ABCB11: variants seen among roughly 807,000 people sequenced by gnomAD.
The protein encoded by ABCB11 is ATP binding cassette subfamily B member 11.
In ABCB11, 95 loss-of-function variants were observed where a neutral mutation model predicts 148.0. That is an observed-to-expected ratio of 0.64 (90% CI 0.54 to 0.76). ABCB11 has a LOEUF of 0.76. ABCB11 is among the 30% of genes least tolerant of loss of function. ABCB11 has a pLI of 0.00. For synonymous variants in ABCB11, 591 were observed against 555.4 expected (o/e 1.06, Z -0.90); for missense variants, 1,523 against 1,617.8 (o/e 0.94, Z 1.01).
chr2:168,955,890 C>A (rs1382410945), intron 19 of ABCB11, among the ~76,000 whole-genome samples: 1 of 151,622 alleles, frequency 6.6e-6, no homozygotes, highest in African/African-American at 2.4e-5. Flanking sequence ...TTGGCCAAAA[C>A]AAAGGTGCTC....
chr2:168,941,126 C>G (rs1447540766), intron 21 of ABCB11, among the ~76,000 whole-genome samples: 1 of 151,982 alleles, frequency 6.6e-6, no homozygotes, highest in Non-Finnish European at 1.5e-5. Context: ...GTAATTTTCA[C>G]TTTGAAGTCT....
intron 1 of ABCB11, among the ~76,000 whole-genome samples, chr2:169,030,704 C>G (rs980422918): frequency 4.3e-5 from 6 of 139,726 alleles, no homozygotes; most frequent in African/African-American, 1.6e-4. Flanking sequence ...AAACATGCAT[C>G]CACAGCTCAT....
intron 4 of ABCB11, among the ~76,000 whole-genome samples, 161 bp downstream of exon 4, chr2:169,014,142 T>C (rs1042711964): frequency 3.3e-5 from 5 of 152,204 alleles, no homozygotes; most frequent in East Asian, 1.9e-4. Flanking sequence ...ATATTTCTAA[T>C]AGTTATTCAG....
rs1023908905 is a variant in ABCB11, at chr2:169,019,079, T to G, written c.-27-927A>C. On this transcript the variant is annotated intron_variant, in intron 1 of 27. Coordinates refer to ENST00000650372, the MANE Select transcript of ABCB11 (RefSeq NM_003742.4). The stretch of plus-strand genomic sequence containing the variant: ...GCCAGAGGAGCTAATGTGGGCCCCA[T>G]GCACTGCTGAGAAGACCCTGAGGAA... 2.6e-5 allele frequency among the ~76,000 whole-genome samples: 4 copies of G among 152,068 alleles called. No individual in the cohort carries two copies. In the East Asian group the frequency reaches 7.7e-4, roughly 29 times the overall value.
intron 5 of ABCB11, among the ~76,000 whole-genome samples, chr2:169,012,738 TAA>T (rs78964015): frequency 1.6e-4 from 20 of 123,630 alleles, no homozygotes; most frequent in Admixed American, 4.9e-4. Flanking sequence ...GACTCCATCT[TAA>T]AAAAAAAAAA....
intron 1 of ABCB11, among the ~76,000 whole-genome samples, chr2:169,023,736 TAG>T (rs1695605521): frequency 6.6e-6 from 1 of 152,208 alleles, no homozygotes; most frequent in Admixed American, 6.5e-5. Flanking sequence ...AGATACGCAG[TAG>T]AAATATAAAG....
chr2:168,956,538 T>A (rs1039381588), intron 19 of ABCB11, among the ~76,000 whole-genome samples: 2 of 151,726 alleles, frequency 1.3e-5, no homozygotes, highest in African/African-American at 4.8e-5. Flanking sequence ...GTGATCTTTG[T>A]ATGATACTAC....
chr2:168,973,940 T>C (rs889251100), intron 12 of ABCB11, 100 bp from the exon 13 acceptor site: 3 of 1,362,980 alleles, frequency 2.2e-6, no homozygotes, highest in African/African-American at 1.5e-5. Context: ...ACTCGGTGTC[T>C]GTGTGTGCGT....
intron 21 of ABCB11, among the ~76,000 whole-genome samples, chr2:168,938,467 A>G (rs1274390523): frequency 6.6e-6 from 1 of 152,190 alleles, no homozygotes; most frequent in African/African-American, 2.4e-5. Context: ...TACATAGAGT[A>G]GTCAGGTTCA....
chr2:168,972,166 G>A (rs1196002187), intron 13 of ABCB11, 116 bp from the exon 14 acceptor site: 31 of 864,594 alleles, frequency 3.6e-5, no homozygotes, highest in Non-Finnish European at 5.6e-5. Context: ...AGATTCTAAT[G>A]GAAACAATTC....
intron 5 of ABCB11, among the ~76,000 whole-genome samples, chr2:169,002,001 A>G (rs1192478500): frequency 6.6e-6 from 1 of 152,226 alleles, no homozygotes; most frequent in Non-Finnish European, 1.5e-5. Flanking sequence ...AACAAGATCC[A>G]ACTATGTACT....
intron 24 of ABCB11, 69 bp from the exon 25 acceptor site, chr2:168,930,931 T>A: frequency 7.2e-7 from 1 of 1,387,292 alleles, no homozygotes; most frequent in Non-Finnish European, 9.8e-7. Flanking sequence ...CACACCTAAA[T>A]CTTGAGTTTA....
chr2:168,981,167 G>A (rs759158201), intron 10 of ABCB11, among the ~76,000 whole-genome samples: 4 of 152,070 alleles, frequency 2.6e-5, no homozygotes, highest in Admixed American at 6.6e-5. Flanking sequence ...CTTCCTTGTG[G>A]CTGGAGTGTC....
intron 1 of ABCB11, among the ~76,000 whole-genome samples, chr2:169,028,091 C>G (rs1230908534): frequency 6.6e-6 from 1 of 152,026 alleles, no homozygotes; most frequent in African/African-American, 2.4e-5. Flanking sequence ...CTTTCTCTCT[C>G]CCATACCTAA....
At chr2:168,963,430 A>T (rs968738121) in intron 18 of ABCB11, among the ~76,000 whole-genome samples, 3 of 151,726 alleles carry the variant, frequency 2.0e-5, no homozygotes, top group African/African-American at 7.2e-5. Context: ...GTGGTAGGGG[A>T]ATGAACGTAA....
chr2:169,029,837 T>C (rs974866729), intron 1 of ABCB11, among the ~76,000 whole-genome samples: 11 of 128,420 alleles, frequency 8.6e-5, no homozygotes, highest in African/African-American at 3.4e-4. Flanking sequence ...GCTTCCCGGG[T>C]TCACGCCATT....
At chr2:168,976,531 C>A (rs532868217) in intron 12 of ABCB11, 46 bp downstream of exon 12, 10 of 1,154,368 alleles carry the variant, frequency 8.7e-6, no homozygotes, top group South Asian at 3.5e-5. Context: ...AATAAATCAT[C>A]GAAGAAGAAA....
chr2:168,956,756 T>C (rs528591288), intron 19 of ABCB11, among the ~76,000 whole-genome samples: 1 of 151,766 alleles, frequency 6.6e-6, no homozygotes, highest in South Asian at 2.1e-4. Context: ...TGATTCTGTG[T>C]GGGTTTCCCT....
intron 5 of ABCB11, among the ~76,000 whole-genome samples, chr2:168,997,132 T>G (rs1011103812): frequency 1.3e-5 from 2 of 151,954 alleles, no homozygotes; most frequent in African/African-American, 4.8e-5. Flanking sequence ...GCAAGAAAGA[T>G]TTTCAAAAGC....
Sources: gnomAD v4.1 joint callset for allele counts (sites outside exome capture counted in the v4.1 genomes callset) on GRCh38, gnomAD v4.1.1 for gene constraint, MANE v1.5 for transcripts, NCBI Gene and HGNC (gene_info 2026-07-23, HGNC 2026-07-21) for gene names.